Variants in MYO1B observed in about 807,000 individuals in gnomAD.
The protein encoded by MYO1B is unconventional myosin-Ib.
In MYO1B, 72 loss-of-function variants were observed where a neutral mutation model predicts 159.7. The ratio of observed to expected loss-of-function variants is 0.45; its 90% CI spans 0.37 to 0.55. The LOEUF is 0.55. MYO1B is among the 20% of genes least tolerant of loss of function. The probability of loss-of-function intolerance (pLI) is 0.00; values close to 1 mark genes in which losing one functional copy is unlikely to be tolerated. For missense variants in MYO1B, 1,062 were observed against 1,364.8 expected (o/e 0.78, Z 3.50); for synonymous variants, 468 against 473.8 (o/e 0.99, Z 0.16).
intron 1 of MYO1B, among the ~76,000 whole-genome samples, chr2:191,266,211 A>T (rs1687131165): frequency 6.6e-6 from 1 of 152,196 alleles, no homozygotes; most frequent in South Asian, 2.1e-4. Context: ...ACCTGCTAGG[A>T]GACAGGACAG....
intron 2 of MYO1B, among the ~76,000 whole-genome samples, chr2:191,289,251 C>T (rs12992372): frequency 0.57 from 86,716 of 152,110 alleles, 24,884 homozygotes; most frequent in East Asian, 0.66. Flanking sequence ...AAGTTTCCTC[C>T]GTTCTTCTTG....
chr2:191,261,405 ATAT>A (rs1426880031), intron 1 of MYO1B, among the ~76,000 whole-genome samples: 4 of 152,202 alleles, frequency 2.6e-5, no homozygotes, highest in African/African-American at 9.7e-5. Context: ...ATCCTCACTG[ATAT>A]TATCAGTCAT....
intron 13 of MYO1B, among the ~76,000 whole-genome samples, chr2:191,373,043 G>T: frequency 6.6e-6 from 1 of 151,746 alleles, no homozygotes; most frequent in Non-Finnish European, 1.5e-5. Context: ...GTAGAGACAG[G>T]GTTTCACCAT....
chr2:191,360,635 T>G lies in MYO1B; in HGVS notation c.567T>G (p.Leu189=), dbSNP rs746266476. ...DPLGGVISNY[L]LEKSRVVKQP... ...TGATTTAACTCTTCTCTTTAGATCT[T>G]TTAGAGAAATCTCGGGTTGTTAAAC... The change falls in exon 8 of 31, where the codon CTT becomes CTG. Residue 189 remains leucine, a synonymous_variant. Coordinates refer to ENST00000392318, the MANE Select transcript of MYO1B (RefSeq NM_001130158.3). The G allele has an allele frequency of 4.4e-6, 7 of 1,606,202 alleles. No individual in the cohort carries two copies. The highest frequency in any genetic ancestry group is 2.2e-5 in the East Asian group (1 of 44,810).
intron 3 of MYO1B, among the ~76,000 whole-genome samples, chr2:191,324,001 T>C (rs928621811): frequency 6.6e-6 from 1 of 152,152 alleles, no homozygotes; most frequent in African/African-American, 2.4e-5. Flanking sequence ...ATCTTTGTTA[T>C]ATTGGGATGG....
intron 23 of MYO1B, chr2:191,402,422 T>C (rs1347790048): frequency 5.3e-6 from 3 of 563,828 alleles, no homozygotes; most frequent in African/African-American, 1.9e-5. Flanking sequence ...ATTGTCCTTC[T>C]CTGGAACAGA....
intron 11 of MYO1B, among the ~76,000 whole-genome samples, chr2:191,367,351 AG>A (rs1317580524): frequency 6.6e-6 from 1 of 152,154 alleles, no homozygotes; most frequent in African/African-American, 2.4e-5. Context: ...AGTTGACTAA[AG>A]GGTAGTATTT....
intron 29 of MYO1B, among the ~76,000 whole-genome samples, chr2:191,415,534 C>A (rs2126180688): frequency 1.3e-5 from 2 of 152,202 alleles, no homozygotes; most frequent in South Asian, 4.1e-4. Context: ...CCAGGCCATA[C>A]CCCTATGAAA....
chr2:191,346,553 A>G (rs905547778), intron 6 of MYO1B, among the ~76,000 whole-genome samples: 2 of 152,206 alleles, frequency 1.3e-5, no homozygotes, highest in Non-Finnish European at 2.9e-5. Flanking sequence ...ATTTAGAGTA[A>G]CACTTTGCTT....
At chr2:191,398,432 C>CCA (rs1489239370) in intron 21 of MYO1B, among the ~76,000 whole-genome samples, 3 of 145,174 alleles carry the variant, frequency 2.1e-5, no homozygotes, top group Non-Finnish European at 4.6e-5. Flanking sequence ...GACCCCCCCC[C>CCA]ACCTCCCTCC....
chr2:191,260,161 T>C (rs1484862154), intron 1 of MYO1B, among the ~76,000 whole-genome samples: 3 of 151,286 alleles, frequency 2.0e-5, no homozygotes, highest in Admixed American at 6.6e-5. Flanking sequence ...GAGCTTACTT[T>C]GGTTAAAATA....
intron 1 of MYO1B, among the ~76,000 whole-genome samples, chr2:191,256,530 T>G (rs954643976): frequency 5.9e-5 from 9 of 152,016 alleles, no homozygotes; most frequent in Admixed American, 4.6e-4. Context: ...TGCACATAAT[T>G]TAGGATTTCA....
At chr2:191,372,950 G>T (rs529775457) in intron 13 of MYO1B, among the ~76,000 whole-genome samples, 24 of 129,920 alleles carry the variant, frequency 1.8e-4, no homozygotes, top group African/African-American at 5.9e-4. Context: ...GCAGTGGTGC[G>T]ATCTCGGCTC....
intron 1 of MYO1B, among the ~76,000 whole-genome samples, chr2:191,259,588 C>G (rs1686671949): frequency 6.6e-6 from 1 of 152,132 alleles, no homozygotes. Flanking sequence ...TTCCTTCTGC[C>G]ACTTTGCTGT....
At position 191,322,542 on chromosome 2, in the gene MYO1B, C is replaced by T. The variant is rs372757160; in HGVS notation, c.252-7393C>T. 9.2e-5 allele frequency among the ~76,000 whole-genome samples: 14 copies of T among 152,122 alleles called. 1 individual carries two copies. The Middle Eastern group carries it at 0.014, about 148-fold the overall frequency. ...CTGGGCGGGGCAGACTTGAGGATGT[C>T]CATTATGATTTGATAATGGTCAGGC... is the stretch of plus-strand genomic sequence containing the variant. On this transcript the variant is annotated intron_variant, in intron 3 of 30. Transcript: ENST00000392318.
chr2:191,400,547 G>A (rs1696545865), intron 22 of MYO1B, 79 bp downstream of exon 22: 2 of 1,521,506 alleles, frequency 1.3e-6, no homozygotes, highest in East Asian at 2.3e-5. Context: ...TTCAGGGGCA[G>A]AAAATGTTTC....
chr2:191,408,258 A>G, intron 25 of MYO1B, 69 bp downstream of exon 25: 3 of 1,107,060 alleles, frequency 2.7e-6, no homozygotes, highest in Non-Finnish European at 4.0e-6. Context: ...CACCAACTCC[A>G]TAAAATGTGC....
Position 191,393,185 on chromosome 2 carries a change from G to C in MYO1B, c.2189G>C (p.Ser730Thr). 1 of 1,614,062 alleles carries C rather than the reference G, an allele frequency of 6.2e-7. No individual in the cohort carries two copies. Among genetic ancestry groups the C allele is most frequent in the African/African-American group, 1.3e-5 (1 of 75,044 alleles). ...ACACACTTCCTGCTAATGAAAAAAA[G>C]CCAAATTGTGATTGCCGCCTGGTAC... ...CRTHFLLMKKSQIVIAAWYRR... is the reference protein window; with the variant it reads ...CRTHFLLMKKTQIVIAAWYRR... The change falls in exon 20 of 31, where the codon AGC (serine) becomes ACC (threonine). Residue 730 changes from serine to threonine, a missense_variant. Physicochemically the swap from Ser to Thr is moderately conservative, Grantham distance 58. Coordinates refer to ENST00000392318, the MANE Select transcript of MYO1B (RefSeq NM_001130158.3).
intron 2 of MYO1B, among the ~76,000 whole-genome samples, chr2:191,290,900 C>G (rs1324626547): frequency 6.6e-6 from 1 of 152,174 alleles, no homozygotes; most frequent in African/African-American, 2.4e-5. Context: ...AACAGCAGCA[C>G]TAGCAGGTTG....
Sources: allele counts gnomAD v4.1 joint callset (sites outside exome capture counted in the v4.1 genomes callset), GRCh38; gene constraint gnomAD v4.1.1; transcripts MANE v1.5; gene names NCBI Gene and HGNC (gene_info 2026-07-23, HGNC 2026-07-21).